The following NCAM1 variants were observed in gnomAD, a reference collection of about 807,000 sequenced individuals.
The protein encoded by NCAM1 is neural cell adhesion molecule 1, also known as antigen recognized by monoclonal antibody 5.1H11.
NCAM1 carries 14 observed loss-of-function variants against 109.8 expected under a neutral mutation model. That is an observed-to-expected ratio of 0.13 (90% CI 0.08 to 0.20). The LOEUF (loss-of-function observed/expected upper bound fraction) is 0.20, where lower values mean the gene tolerates loss of function less well. Ranked by LOEUF, NCAM1 falls within the 10% of genes least tolerant of loss-of-function variation. The pLI is 1.00. For synonymous variants in NCAM1, 418 were observed against 442.9 expected (o/e 0.94, Z 0.70); for missense variants, 774 against 1,109.9 (o/e 0.70, Z 4.30).
intron 1 of NCAM1, among the ~76,000 whole-genome samples, chr11:113,157,152 C>T (rs1942439309): frequency 6.6e-6 from 1 of 151,006 alleles, no homozygotes. Flanking sequence ...CACACACACA[C>T]ACACACACAC....
chr11:113,195,091 C>G (rs1256214991), intron 1 of NCAM1, among the ~76,000 whole-genome samples: 2 of 152,196 alleles, frequency 1.3e-5, no homozygotes, highest in Non-Finnish European at 2.9e-5. Flanking sequence ...AGCCATTATA[C>G]TGAAACAGAA....
At chr11:113,216,316 A>AT (rs1378739043) in intron 8 of NCAM1, among the ~76,000 whole-genome samples, 18 of 150,092 alleles carry the variant, frequency 1.2e-4, no homozygotes, top group Admixed American at 2.7e-4. Flanking sequence ...CGCCCGGCTA[A>AT]TTTTTTTTTG....
Position 112,961,539 on chromosome 11 carries a change from G to C in NCAM1, c.-74G>C. On this transcript the variant is annotated 5_prime_UTR_variant, in exon 1 of 20. Transcript: ENST00000316851. ...CCCCTAGGTCTGTCGCTCAGCCGCC[G>C]TCCACACTCGCTGCAGGGGGGGGGG... is the stretch of plus-strand genomic sequence containing the variant. 2.1e-6 allele frequency: 2 copies of C among 964,888 alleles called. No homozygotes were observed. Among genetic ancestry groups the C allele is most frequent in the Non-Finnish European group, 3.4e-6 (2 of 589,400 alleles). The allele number at this position is 964,888 out of a possible 1,614,324, so 59.8% of individuals were successfully genotyped here.
intron 1 of NCAM1, among the ~76,000 whole-genome samples, chr11:113,138,262 G>C (rs563445583): frequency 1.1e-4 from 17 of 152,230 alleles, no homozygotes; most frequent in Non-Finnish European, 1.9e-4. Context: ...GAGTTTGAGA[G>C]ATGAATGTGT....
At chr11:113,075,487 C>G (rs1010877558) in intron 1 of NCAM1, among the ~76,000 whole-genome samples, 1 of 152,180 alleles carries the variant, frequency 6.6e-6, no homozygotes. Context: ...TCACTGGCCA[C>G]CCTATCATTC....
rs1343182524 is a variant in NCAM1, at chr11:113,232,369, G to T, written c.1425+15G>T. 6.3e-7 allele frequency: 1 copy of T among 1,595,812 alleles called. No individual in the cohort carries two copies. The highest frequency in any genetic ancestry group is 1.1e-5 in the South Asian group (1 of 87,176). ...GCTATCTGGAGGTGAGTCAGGATGGGGGTGGGACAGAGCAGAGAAAGCACA... is the reference window on the plus strand; with the variant it reads ...GCTATCTGGAGGTGAGTCAGGATGGTGGTGGGACAGAGCAGAGAAAGCACA... On this transcript the variant is annotated intron_variant, in intron 11 of 19. Transcript: ENST00000316851.
At chr11:113,173,513 A>C (rs1943051781) in intron 1 of NCAM1, among the ~76,000 whole-genome samples, 1 of 150,480 alleles carries the variant, frequency 6.6e-6, no homozygotes, top group Non-Finnish European at 1.5e-5. Flanking sequence ...GCAGCAGTTT[A>C]TCCAGAGATG....
chr11:112,980,469 A>G (rs1683081943), intron 1 of NCAM1, among the ~76,000 whole-genome samples: 1 of 151,938 alleles, frequency 6.6e-6, no homozygotes, highest in South Asian at 2.1e-4. Flanking sequence ...GTATATTTAT[A>G]CAATAAAATA....
intron 1 of NCAM1, among the ~76,000 whole-genome samples, chr11:113,045,295 G>C (rs1184786294): frequency 6.6e-6 from 1 of 152,184 alleles, no homozygotes; most frequent in Non-Finnish European, 1.5e-5. Context: ...CCTGAGAAGA[G>C]AGAGAGGATG....
In NCAM1 at chr11:113,277,523, C is replaced by G. The variant is rs1482251305; in HGVS notation, c.*2136C>G. The G allele has an allele frequency of 2.5e-5, 10 of 398,196 alleles. No homozygotes were observed. The highest frequency in any genetic ancestry group is 4.4e-5 in the Non-Finnish European group (10 of 225,972). The allele number at this position is 398,196 out of a possible 1,614,324, so 24.7% of individuals were successfully genotyped here. A position where few individuals can be genotyped will look rare whatever the true frequency, so the allele number is the denominator to read the frequency against. The stretch of plus-strand genomic sequence containing the variant: ...CCTGGGTGTCTGAGACCGGGAGGGC[C>G]CAGCAGTGAGGGGCAGGCTCTTCTG... On this transcript the variant is annotated 3_prime_UTR_variant, in exon 20 of 20. Coordinates refer to ENST00000316851, the MANE Select transcript of NCAM1 (RefSeq NM_181351.5).
At chr11:113,123,053 G>A (rs1941032622) in intron 1 of NCAM1, among the ~76,000 whole-genome samples, 1 of 152,230 alleles carries the variant, frequency 6.6e-6, no homozygotes, top group Admixed American at 6.5e-5. Flanking sequence ...CAGAGGCAGG[G>A]AAGGGTGTGT....
chr11:113,209,366 C>T (rs1324377884), intron 7 of NCAM1, among the ~76,000 whole-genome samples: 4 of 152,122 alleles, frequency 2.6e-5, no homozygotes, highest in South Asian at 2.1e-4. Flanking sequence ...TCAAGTTAAC[C>T]GTACGTATTT....
At chr11:113,220,764 G>A (rs1213593007) in intron 8 of NCAM1, among the ~76,000 whole-genome samples, 7 of 151,568 alleles carry the variant, frequency 4.6e-5, no homozygotes, top group African/African-American at 1.5e-4. Context: ...CTGCCACCAC[G>A]CCCAGCTAAT....
intron 1 of NCAM1, among the ~76,000 whole-genome samples, chr11:113,099,394 G>T (rs550882954): frequency 6.6e-6 from 1 of 152,220 alleles, no homozygotes; most frequent in East Asian, 1.9e-4. Context: ...TTTGAATTTG[G>T]TTCTCGTGAG....
chr11:113,250,110 G>A (rs183248108), intron 15 of NCAM1, among the ~76,000 whole-genome samples: 1 of 152,278 alleles, frequency 6.6e-6, no homozygotes, highest in Non-Finnish European at 1.5e-5. Context: ...AAAGGGTTCA[G>A]GGAAAAACAA....
At chr11:113,181,541 A>G (rs1001060041) in intron 1 of NCAM1, among the ~76,000 whole-genome samples, 9 of 152,274 alleles carry the variant, frequency 5.9e-5, no homozygotes, top group Non-Finnish European at 8.8e-5. Context: ...GGGGACGGAG[A>G]GCATCAGGAA....
chr11:113,237,937 GATATATAT>G (rs55807221), intron 14 of NCAM1, among the ~76,000 whole-genome samples: 2,097 of 143,190 alleles, frequency 0.015, 81 homozygotes, highest in African/African-American at 0.05. Flanking sequence ...TAGATATATA[GATATATAT>G]ATAGATATAT....
chr11:113,111,890 TA>T (rs1555093773), intron 1 of NCAM1, among the ~76,000 whole-genome samples: 1 of 152,230 alleles, frequency 6.6e-6, no homozygotes, highest in East Asian at 1.9e-4. Flanking sequence ...ATTATTTGAA[TA>T]AACGTATTCA....
At chr11:113,252,806 T>A (rs1053654653) in intron 15 of NCAM1, among the ~76,000 whole-genome samples, 2 of 128,118 alleles carry the variant, frequency 1.6e-5, no homozygotes, top group African/African-American at 6.2e-5. Context: ...CAGCTTTTTT[T>A]TTTTTTTTTT....
Sources: gnomAD v4.1 joint callset for allele counts (sites outside exome capture counted in the v4.1 genomes callset) on GRCh38, gnomAD v4.1.1 for gene constraint, MANE v1.5 for transcripts, NCBI Gene and HGNC (gene_info 2026-07-23, HGNC 2026-07-21) for gene names.